Variants in ARHGEF28 observed in about 807,000 individuals in gnomAD.
ARHGEF28 encodes the protein 190 kDa guanine nucleotide exchange factor.
Under a neutral mutation model 206.6 loss-of-function variants are expected in ARHGEF28, and 152 were observed. That is an observed-to-expected ratio of 0.74 (90% CI 0.64 to 0.84). The LOEUF (loss-of-function observed/expected upper bound fraction) is 0.84, where lower values mean the gene tolerates loss of function less well. ARHGEF28 is among the 40% of genes least tolerant of loss of function. ARHGEF28 has a pLI of 0.00. For missense variants in ARHGEF28, 2,028 were observed against 2,073.2 expected, an observed-to-expected ratio of 0.98 and a Z score of 0.42; for synonymous variants, 763 against 776.4, an observed-to-expected ratio of 0.98 and a Z score of 0.29.
chr5:73,892,262 A>T, intron 27 of ARHGEF28, 32 bp downstream of exon 27: 1 of 1,536,936 alleles, frequency 6.5e-7, no homozygotes, highest in Non-Finnish European at 8.8e-7. Flanking sequence ...AATCTATGGA[A>T]CAGAGTTGTT....
At chr5:73,801,415 C>T (rs1162620604) in intron 9 of ARHGEF28, among the ~76,000 whole-genome samples, 1 of 151,866 alleles carries the variant, frequency 6.6e-6, no homozygotes, top group Non-Finnish European at 1.5e-5. Context: ...CCACTGCACT[C>T]CAGCCTGGGC....
At chr5:73,783,374 G>T (rs6898055) in intron 7 of ARHGEF28, among the ~76,000 whole-genome samples, 1 of 130,754 alleles carries the variant, frequency 7.6e-6, no homozygotes, top group African/African-American at 2.6e-5. Flanking sequence ...GTGTGTGTGT[G>T]TGTGTGTGTG....
At chr5:73,874,658 A>C (rs1760338993) in intron 22 of ARHGEF28, among the ~76,000 whole-genome samples, 1 of 147,910 alleles carries the variant, frequency 6.8e-6, no homozygotes, top group Non-Finnish European at 1.5e-5. Flanking sequence ...TATGAGTGAG[A>C]ACATGCGGTG....
chr5:73,915,670 A>G (rs1402863160), intron 35 of ARHGEF28, among the ~76,000 whole-genome samples: 1 of 152,196 alleles, frequency 6.6e-6, no homozygotes, highest in Non-Finnish European at 1.5e-5. Flanking sequence ...CCAACATTTT[A>G]TTCTTGTGGC....
rs887614700 is a variant in ARHGEF28 at position 73,662,966 on chromosome 5, A to G, written c.-11-21875A>G. Among the ~76,000 whole-genome samples the G allele has an allele frequency of 2.6e-5, 4 of 152,194 alleles. No individual in the cohort carries two copies. In the East Asian group the frequency reaches 5.8e-4, roughly 22 times the overall value. On this transcript the variant is annotated intron_variant, in intron 1 of 35. Coordinates refer to ENST00000513042, the MANE Select transcript of ARHGEF28 (RefSeq NM_001177693.2). ...TAAATTTCTTTTTTAAAAAATTGTT[A>G]TTATTTTGAGACAAGATCTCACTCT...
chr5:73,886,150 T>A, intron 25 of ARHGEF28, 46 bp downstream of exon 25: 1 of 1,557,070 alleles, frequency 6.4e-7, no homozygotes. Flanking sequence ...TACACATTAT[T>A]CATTTAACAG....
intron 1 of ARHGEF28, among the ~76,000 whole-genome samples, chr5:73,630,485 C>A (rs747794398): frequency 3.3e-5 from 5 of 152,196 alleles, no homozygotes; most frequent in Non-Finnish European, 7.3e-5. Flanking sequence ...TTACAGAGAA[C>A]CCTCCTGGTA....
intron 4 of ARHGEF28, among the ~76,000 whole-genome samples, chr5:73,767,449 C>G (rs1752958249): frequency 6.6e-6 from 1 of 152,138 alleles, no homozygotes; most frequent in Non-Finnish European, 1.5e-5. Flanking sequence ...AAATTCCAGG[C>G]TGAGGTAGTC....
At chr5:73,875,064 A>G (rs2112648349) in intron 22 of ARHGEF28, among the ~76,000 whole-genome samples, 1 of 149,946 alleles carries the variant, frequency 6.7e-6, no homozygotes, top group Admixed American at 6.6e-5. Context: ...ATTTCTCCAC[A>G]TCCTCTCCAG....
At chr5:73,862,632 T>G (rs1012956696) in intron 16 of ARHGEF28, among the ~76,000 whole-genome samples, 8 of 152,194 alleles carry the variant, frequency 5.3e-5, no homozygotes, top group African/African-American at 1.9e-4. Context: ...GGAAGGCTAA[T>G]AATTTAATAT....
chr5:73,684,208 A>G (rs1022595036), intron 1 of ARHGEF28, among the ~76,000 whole-genome samples: 2 of 152,168 alleles, frequency 1.3e-5, no homozygotes, highest in Non-Finnish European at 2.9e-5. Flanking sequence ...CTGAAACTCT[A>G]TGGCCATTAA....
chr5:73,923,010 AAC>A (rs1406892019), intron 35 of ARHGEF28: 31 of 1,350,336 alleles, frequency 2.3e-5, no homozygotes, highest in Middle Eastern at 3.6e-4. Flanking sequence ...GGAGGGAAAA[AAC>A]ACAATGAATA....
intron 35 of ARHGEF28, among the ~76,000 whole-genome samples, chr5:73,916,464 T>A (rs989620065): frequency 6.6e-6 from 1 of 152,184 alleles, no homozygotes; most frequent in Non-Finnish European, 1.5e-5. Context: ...GAATTAGGGA[T>A]CAAGGTGTTG....
At chr5:73,709,124 G>A (rs191085539) in intron 2 of ARHGEF28, among the ~76,000 whole-genome samples, 75 of 152,222 alleles carry the variant, frequency 4.9e-4, no homozygotes, top group Middle Eastern at 6.8e-3. Flanking sequence ...TCTGTCATAC[G>A]TTTGTAATAC....
At chr5:73,828,730 GTCTTTCTCTT>G (rs1757090531) in intron 9 of ARHGEF28, among the ~76,000 whole-genome samples, 1 of 132,888 alleles carries the variant, frequency 7.5e-6, no homozygotes, top group African/African-American at 2.8e-5. Context: ...CTTTCTCTCT[GTCTTTCTCTT>G]TCTTTCTCTC....
At chr5:73,781,292 G>T (rs1397670894) in intron 7 of ARHGEF28, among the ~76,000 whole-genome samples, 1 of 152,170 alleles carries the variant, frequency 6.6e-6, no homozygotes, top group African/African-American at 2.4e-5. Flanking sequence ...TTACAGTCCT[G>T]ATGGTGATTC....
At chr5:73,709,005 G>A (rs560190118) in intron 2 of ARHGEF28, among the ~76,000 whole-genome samples, 1 of 152,156 alleles carries the variant, frequency 6.6e-6, no homozygotes, top group East Asian at 1.9e-4. Flanking sequence ...AGAAGTGTCT[G>A]TTCATGTCTT....
At position 73,852,689 on chromosome 5, in the gene ARHGEF28, A is replaced by G; in HGVS notation, c.1787A>G (p.Asn596Ser). 1 of 1,613,648 alleles carries G rather than the reference A, an allele frequency of 6.2e-7. No individual in the cohort carries two copies. Among genetic ancestry groups the G allele is most frequent in the Non-Finnish European group, 8.5e-7 (1 of 1,179,628 alleles). Reference sequence around the variant, plus strand: ...AGCTTATCGGAGCCACCAAGAGAAAACAGGTACTTTTAACTATTCCAATTT... The same window carrying G: ...AGCTTATCGGAGCCACCAAGAGAAAGCAGGTACTTTTAACTATTCCAATTT... ...AYSLSEPPRENRIQEEEWDKY... is the reference protein window; with the variant it reads ...AYSLSEPPRESRIQEEEWDKY... Residue 596 changes from asparagine (N) to serine (S), a missense_variant, in exon 14 of 36, where the codon AAC (asparagine) becomes AGC (serine). Around this residue, in one of 3 missense-constraint regions of ARHGEF28, gnomAD observed 1,002 missense variants for 1,015.3 expected, o/e 0.99. Coordinates refer to ENST00000513042, the MANE Select transcript of ARHGEF28 (RefSeq NM_001177693.2).
chr5:73,827,581 C>A (rs934228242), intron 9 of ARHGEF28, among the ~76,000 whole-genome samples: 72 of 152,190 alleles, frequency 4.7e-4, no homozygotes, highest in African/African-American at 1.6e-3. Context: ...TTGCCCCAGT[C>A]ACACAGCTAA....
Sources: allele counts gnomAD v4.1 joint callset (sites outside exome capture counted in the v4.1 genomes callset), GRCh38; gene constraint gnomAD v4.1.1; regional missense constraint gnomAD v4.1.1; transcripts MANE v1.5; gene names NCBI Gene and HGNC (gene_info 2026-07-23, HGNC 2026-07-21).